ROBO1: variants seen among roughly 807,000 people sequenced by gnomAD.
The protein encoded by ROBO1 is roundabout homolog 1.
Under a neutral mutation model 195.9 loss-of-function variants are expected in ROBO1, and 149 were observed. The ratio of observed to expected loss-of-function variants is 0.76; its 90% CI spans 0.67 to 0.87. The LOEUF (loss-of-function observed/expected upper bound fraction) is 0.87, where lower values mean the gene tolerates loss of function less well. ROBO1 is among the 40% of genes least tolerant of loss of function. The pLI, the probability that ROBO1 is intolerant of heterozygous loss-of-function variation, is 0.00. For missense variants in ROBO1, 1,933 were observed against 2,068.3 expected (o/e 0.93, Z 1.27); for synonymous variants, 816 against 733.2 (o/e 1.11, Z -1.82).
At chr3:78,700,239 A>C (rs897076197) in intron 8 of ROBO1, among the ~76,000 whole-genome samples, 1 of 152,198 alleles carries the variant, frequency 6.6e-6, no homozygotes, top group South Asian at 2.1e-4. Flanking sequence ...CTGATACTAT[A>C]GATATTTGTG....
chr3:78,883,390 A>G lies in ROBO1; in HGVS notation c.499+55211T>C, dbSNP rs565974541. Among the ~76,000 whole-genome samples the G allele has an allele frequency of 1.1e-3, 163 of 151,906 alleles. 3 individuals are homozygous for G. Among genetic ancestry groups the G allele is most frequent in the Admixed American group, 3.9e-4 (6 of 15,256 alleles). On this transcript the variant is annotated intron_variant, in intron 4 of 30. Coordinates refer to ENST00000464233, the MANE Select transcript of ROBO1 (RefSeq NM_002941.4). ...TTGTCTTCAACCACATGAGACGCAG[A>G]TATGTATTATAAACAGGCTCTCACT... is the stretch of plus-strand genomic sequence containing the variant.
chr3:79,737,971 G>C (rs6548652), intron 1 of ROBO1, among the ~76,000 whole-genome samples: 132,883 of 152,114 alleles, frequency 0.87, 58,104 homozygotes, highest in Middle Eastern at 0.89. Flanking sequence ...AAACCAGCCT[G>C]TTAGTCATCT....
At chr3:79,413,958 A>G (rs1314966538) in intron 2 of ROBO1, among the ~76,000 whole-genome samples, 5 of 152,080 alleles carry the variant, frequency 3.3e-5, no homozygotes, top group Non-Finnish European at 4.4e-5. Flanking sequence ...TAATCATACC[A>G]AGAAACTTTC....
At chr3:79,713,406 T>C (rs757604856) in intron 1 of ROBO1, among the ~76,000 whole-genome samples, 105 of 152,108 alleles carry the variant, frequency 6.9e-4, no homozygotes, top group Non-Finnish European at 1.2e-3. Flanking sequence ...ATTGAGAACA[T>C]TTTTAATTCA....
chr3:78,621,119 G>A (rs1032438144), intron 26 of ROBO1, among the ~76,000 whole-genome samples: 1 of 151,798 alleles, frequency 6.6e-6, no homozygotes, highest in Admixed American at 6.6e-5. Flanking sequence ...GTGTCTGTGT[G>A]TGGCACTAGG....
chr3:79,580,050 A>G (rs967236277), intron 2 of ROBO1, among the ~76,000 whole-genome samples: 4 of 152,128 alleles, frequency 2.6e-5, no homozygotes, highest in African/African-American at 9.7e-5. Flanking sequence ...AAAAATGATA[A>G]ATTATATATT....
At chr3:79,262,233 C>G (rs1331769561) in intron 2 of ROBO1, among the ~76,000 whole-genome samples, 1 of 152,234 alleles carries the variant, frequency 6.6e-6, no homozygotes, top group South Asian at 2.1e-4. Flanking sequence ...CTCTTAAACA[C>G]TCACTCAAGT....
At chr3:79,250,658 T>C (rs2082711038) in intron 2 of ROBO1, among the ~76,000 whole-genome samples, 1 of 152,210 alleles carries the variant, frequency 6.6e-6, no homozygotes, top group East Asian at 1.9e-4. Context: ...CAAAAGAATA[T>C]AAAAAATGAT....
At chr3:78,892,453 T>C (rs1379651194) in intron 4 of ROBO1, among the ~76,000 whole-genome samples, 1 of 152,122 alleles carries the variant, frequency 6.6e-6, no homozygotes, top group Admixed American at 6.5e-5. Context: ...CTTGGGCAAG[T>C]GATGTAATCA....
intron 2 of ROBO1, among the ~76,000 whole-genome samples, chr3:79,207,870 T>C (rs1034374049): frequency 6.6e-5 from 10 of 152,070 alleles, no homozygotes; most frequent in African/African-American, 2.4e-4. Flanking sequence ...GAATTTGATG[T>C]ACTTATGGCA....
At chr3:79,442,331 C>A (rs888906417) in intron 2 of ROBO1, among the ~76,000 whole-genome samples, 1 of 152,108 alleles carries the variant, frequency 6.6e-6, no homozygotes, top group African/African-American at 2.4e-5. Context: ...AATATAAAAA[C>A]ATAGTGCCAT....
chr3:78,698,364 G>T (rs528379129), intron 8 of ROBO1, among the ~76,000 whole-genome samples: 2 of 152,072 alleles, frequency 1.3e-5, no homozygotes, highest in East Asian at 1.9e-4. Context: ...TTCTTTTGGG[G>T]GAAAAGATTG....
At chr3:79,559,185 G>T (rs1390935193) in intron 2 of ROBO1, among the ~76,000 whole-genome samples, 1 of 152,096 alleles carries the variant, frequency 6.6e-6, no homozygotes, top group Non-Finnish European at 1.5e-5. Flanking sequence ...CTGATGTACC[G>T]ACTTAGCTTT....
chr3:79,182,568 T>TGTGTGTGTGTGC (rs1369326015), intron 2 of ROBO1, among the ~76,000 whole-genome samples: 1 of 151,614 alleles, frequency 6.6e-6, no homozygotes, highest in African/African-American at 2.4e-5. Context: ...TGTGTGTGTG[T>TGTGTGTGTGTGC]GTGCGTGCGT....
intron 3 of ROBO1, among the ~76,000 whole-genome samples, chr3:79,041,127 C>A (rs2078480378): frequency 6.6e-6 from 1 of 152,174 alleles, no homozygotes; most frequent in Non-Finnish European, 1.5e-5. Context: ...TTGCTTCCAT[C>A]ACTGTTCTCA....
intron 2 of ROBO1, among the ~76,000 whole-genome samples, chr3:79,584,465 A>C (rs58255176): frequency 0.36 from 54,056 of 150,912 alleles, 9,921 homozygotes; most frequent in East Asian, 0.42. Flanking sequence ...TCAGGTATTT[A>C]AAAAATGATT....
At chr3:79,386,124 G>A (rs2036734059) in intron 2 of ROBO1, among the ~76,000 whole-genome samples, 1 of 152,012 alleles carries the variant, frequency 6.6e-6, no homozygotes, top group Admixed American at 6.6e-5. Context: ...TTAACTGACT[G>A]TTTTTTACAT....
In ROBO1 at chr3:79,208,363, G is replaced by C. The variant is rs114963528; in HGVS notation, c.89-82824C>G. 5.5e-3 allele frequency among the ~76,000 whole-genome samples: 845 copies of C among 152,296 alleles called. 8 individuals carry two copies. The highest frequency in any genetic ancestry group is 9.7e-3 in the Non-Finnish European group (663 of 68,026). On this transcript the variant is annotated intron_variant, in intron 2 of 30. Transcript: ENST00000464233. ...AATGTTTACTATGCCATATGCATCT[G>C]TGAACACAGTGGTGAACAAGCAGTG... is the stretch of plus-strand genomic sequence containing the variant.
intron 2 of ROBO1, among the ~76,000 whole-genome samples, chr3:79,158,271 T>C (rs1005787510): frequency 6.0e-5 from 9 of 151,234 alleles, no homozygotes; most frequent in Non-Finnish European, 3.0e-5. Context: ...CATTGAAGTT[T>C]TAGTTTTAAA....
Sources: allele counts gnomAD v4.1 joint callset (sites outside exome capture counted in the v4.1 genomes callset), GRCh38; gene constraint gnomAD v4.1.1; transcripts MANE v1.5; gene names NCBI Gene and HGNC (gene_info 2026-07-23, HGNC 2026-07-21).